Variants in UPF3A observed in about 807,000 individuals in gnomAD.
UPF3A encodes UPF3A regulator of nonsense mediated mRNA decay, also known as regulator of nonsense transcripts 3A.
A neutral mutation model predicts 53.5 loss-of-function variants in UPF3A; 42 were observed. The ratio of observed to expected loss-of-function variants is 0.78; its 90% CI spans 0.61 to 1.01. The LOEUF (loss-of-function observed/expected upper bound fraction) is 1.01. Ranked by LOEUF, UPF3A falls within the 50% of genes least tolerant of loss-of-function variation. The probability of loss-of-function intolerance (pLI) is 0.00; values close to 1 mark genes in which losing one functional copy is unlikely to be tolerated. For missense variants in UPF3A, 575 were observed against 598.0 expected (o/e 0.96, Z 0.40); for synonymous variants, 237 against 225.3 (o/e 1.05, Z -0.47).
intron 3 of UPF3A, 164 bp from the exon 4 acceptor site, chr13:114,286,138 T>A (rs1169318252): frequency 1.6e-5 from 15 of 945,894 alleles, no homozygotes; most frequent in East Asian, 5.4e-5. Context: ...GTAGGTTTTT[T>A]AATCTTTTTT....
chr13:114,282,181 G>A (rs1251639433), intron 2 of UPF3A, 54 bp downstream of exon 2: 11 of 1,442,428 alleles, frequency 7.6e-6, no homozygotes, highest in Non-Finnish European at 1.0e-5. Flanking sequence ...GCTCGGCGGC[G>A]GTGGCCGTCT....
Position 114,281,725 on chromosome 13 carries a change from T to G in UPF3A, c.86T>G (p.Leu29Arg), listed in dbSNP as rs1483457459. ...AGCGGGAGGGAGAAGCTGTCGGCCC[T>G]AGAAGTGCAGTTCCACCGCGACTCG... ...GPSGREKLSA[L>R]EVQFHRDSQQ... Residue 29 changes from leucine to arginine, a missense_variant, in exon 1 of 10, where the codon CTA becomes CGA. Transcript: ENST00000375299. 6.4e-7 allele frequency: 1 copy of G among 1,556,526 alleles called. No homozygotes were observed. The highest frequency in any genetic ancestry group is 1.4e-5 in the African/African-American group (1 of 73,058).
At chr13:114,287,285 T>G (rs1303787029) in intron 5 of UPF3A, 1 of 152,610 alleles carries the variant, frequency 6.6e-6, no homozygotes, top group African/African-American at 2.4e-5. Context: ...AAAGCCCTGG[T>G]TCTTCACCTC....
intron 7 of UPF3A, among the ~76,000 whole-genome samples, chr13:114,292,994 C>T (rs894041092): frequency 1.3e-5 from 2 of 149,852 alleles, no homozygotes; most frequent in African/African-American, 5.0e-5. Flanking sequence ...ATCGCTTGAA[C>T]CCAGGGAGCA....
intron 7 of UPF3A, 115 bp downstream of exon 7, chr13:114,291,907 GTGT>G: frequency 7.7e-7 from 1 of 1,303,472 alleles, no homozygotes; most frequent in Non-Finnish European, 1.0e-6. Flanking sequence ...ATCTAATATT[GTGT>G]TGTTATTTTT....
chr13:114,300,267 T>C (rs2086472921), intron 8 of UPF3A, among the ~76,000 whole-genome samples: 1 of 152,246 alleles, frequency 6.6e-6, no homozygotes, highest in Non-Finnish European at 1.5e-5. Context: ...CACATCATGA[T>C]GGATGTGCAC....
chr13:114,289,766 T>C (rs1361604925), intron 5 of UPF3A, among the ~76,000 whole-genome samples: 1 of 152,190 alleles, frequency 6.6e-6, no homozygotes, highest in Non-Finnish European at 1.5e-5. Context: ...TTTACTTGTG[T>C]TCTGTTGCAT....
At chr13:114,299,374 C>T (rs562370517) in intron 8 of UPF3A, among the ~76,000 whole-genome samples, 2 of 152,162 alleles carry the variant, frequency 1.3e-5, no homozygotes, top group South Asian at 4.2e-4. Context: ...TGATATCTTG[C>T]CCTTTGCTCT....
intron 7 of UPF3A, among the ~76,000 whole-genome samples, chr13:114,295,078 C>CTCCA (rs1043236763): frequency 6.7e-6 from 1 of 149,794 alleles, no homozygotes; most frequent in Admixed American, 6.6e-5. Context: ...CGCCACTGCA[C>CTCCA]TCCAGCCTGG....
intron 3 of UPF3A, chr13:114,283,859 C>G: frequency 2.0e-6 from 2 of 985,468 alleles, no homozygotes; most frequent in Non-Finnish European, 2.4e-6. Flanking sequence ...GCCCTCCCCT[C>G]CCCAGCCACC....
intron 3 of UPF3A, among the ~76,000 whole-genome samples, chr13:114,284,891 G>A (rs1218203969): frequency 1.3e-5 from 2 of 152,164 alleles, no homozygotes; most frequent in Admixed American, 6.5e-5. Flanking sequence ...GAGCTCAAGC[G>A]ATTCCCCCCA....
intron 8 of UPF3A, among the ~76,000 whole-genome samples, chr13:114,301,530 G>T (rs990291595): frequency 6.6e-6 from 1 of 151,880 alleles, no homozygotes; most frequent in African/African-American, 2.4e-5. Context: ...TGAAATGACA[G>T]ATACTATTAC....
At chr13:114,289,035 G>A (rs1566739216) in intron 5 of UPF3A, among the ~76,000 whole-genome samples, 3 of 151,938 alleles carry the variant, frequency 2.0e-5, no homozygotes, top group Non-Finnish European at 4.4e-5. Flanking sequence ...CGTGGCTCCT[G>A]CCGGGGTGGG....
At position 114,304,769 on chromosome 13, in the gene UPF3A, A is replaced by G; in HGVS notation, c.1303-20A>G. On this transcript the variant is annotated intron_variant, in intron 9 of 9. Coordinates refer to ENST00000375299, the MANE Select transcript of UPF3A (RefSeq NM_023011.4). ...TGTTGCTACCTCTTGGAAGAGTAAC[A>G]TGCCCTCTTATCCTGGCAGGACCGG... is the stretch of plus-strand genomic sequence containing the variant. The G allele has an allele frequency of 6.2e-7, 1 of 1,612,530 alleles. No homozygotes were observed. The highest frequency in any genetic ancestry group is 8.5e-7 in the Non-Finnish European group (1 of 1,179,094).
intron 7 of UPF3A, among the ~76,000 whole-genome samples, chr13:114,295,598 G>A (rs1049359792): frequency 6.6e-6 from 1 of 152,186 alleles, no homozygotes; most frequent in Admixed American, 6.5e-5. Flanking sequence ...CTCTTCCTGC[G>A]TCTCTGATGC....
intron 3 of UPF3A, chr13:114,285,774 G>A (rs1223920063): frequency 6.5e-6 from 1 of 152,746 alleles, no homozygotes; most frequent in African/African-American, 2.4e-5. Context: ...TTTAGCCATG[G>A]TGTCTTCTAA....
chr13:114,301,654 A>G (rs1461106862), intron 8 of UPF3A, 77 bp from the exon 9 acceptor site: 1 of 1,467,810 alleles, frequency 6.8e-7, no homozygotes, highest in Non-Finnish European at 9.3e-7. Flanking sequence ...TTGTCTGGGA[A>G]CCTGTGGTCT....
chr13:114,281,936 C>T (rs1363880075), intron 1 of UPF3A, 85 bp from the exon 2 acceptor site: 43 of 1,166,494 alleles, frequency 3.7e-5, no homozygotes, highest in African/African-American at 6.1e-5. Context: ...GGGCGGGGGC[C>T]GGGCCTCCCA....
intron 7 of UPF3A, among the ~76,000 whole-genome samples, chr13:114,297,759 G>A (rs1039053001): frequency 6.6e-6 from 1 of 152,102 alleles, no homozygotes; most frequent in Non-Finnish European, 1.5e-5. Flanking sequence ...AACCAGGGTG[G>A]CAGAGGTTGC....
Sources: gnomAD v4.1 joint callset for allele counts (sites outside exome capture counted in the v4.1 genomes callset) on GRCh38, gnomAD v4.1.1 for gene constraint, MANE v1.5 for transcripts, NCBI Gene and HGNC (gene_info 2026-07-23, HGNC 2026-07-21) for gene names.